The following PPP2R3A variants were observed in gnomAD, a reference collection of about 807,000 sequenced individuals.
PPP2R3A encodes the protein serine/threonine-protein phosphatase 2A regulatory subunit B'' subunit alpha.
PPP2R3A carries 80 observed loss-of-function variants against 106.9 expected under a neutral mutation model. The observed-to-expected ratio is 0.75, with a 90% CI of 0.62 to 0.90. The LOEUF is 0.90. Ranked by LOEUF, PPP2R3A falls within the 40% of genes least tolerant of loss-of-function variation. The pLI is 0.00. For synonymous variants in PPP2R3A, 483 were observed against 468.3 expected (o/e 1.03, Z -0.41); for missense variants, 1,386 against 1,350.4 (o/e 1.03, Z -0.41).
chr3:136,120,771 T>C (rs1456921274), intron 13 of PPP2R3A, among the ~76,000 whole-genome samples: 1 of 151,988 alleles, frequency 6.6e-6, no homozygotes, highest in African/African-American at 2.4e-5. Flanking sequence ...CCATAGGACA[T>C]GAACAGACAC....
chr3:136,036,670 C>G (rs1471907975), intron 3 of PPP2R3A, among the ~76,000 whole-genome samples: 1 of 152,150 alleles, frequency 6.6e-6, no homozygotes, highest in African/African-American at 2.4e-5. Context: ...TGGGTCTTCT[C>G]AGGTTTCCTG....
intron 6 of PPP2R3A, among the ~76,000 whole-genome samples, chr3:136,073,990 T>C (rs934401948): frequency 5.9e-5 from 9 of 152,198 alleles, no homozygotes; most frequent in South Asian, 2.1e-4. Flanking sequence ...AAGAAACATA[T>C]AAAGATCAGC....
intron 1 of PPP2R3A, among the ~76,000 whole-genome samples, chr3:135,982,057 G>C (rs1937546058): frequency 6.6e-6 from 1 of 151,784 alleles, no homozygotes; most frequent in Admixed American, 6.6e-5. Flanking sequence ...GGTGAGAGAA[G>C]ATGATGGTTA....
intron 2 of PPP2R3A, among the ~76,000 whole-genome samples, chr3:136,010,102 T>G (rs560544691): frequency 1.3e-4 from 20 of 152,266 alleles, no homozygotes; most frequent in African/African-American, 4.8e-4. Flanking sequence ...TCAGCTAATC[T>G]TGTTTCCTAT....
chr3:136,121,298 T>A (rs1937986927), intron 13 of PPP2R3A, among the ~76,000 whole-genome samples: 1 of 152,210 alleles, frequency 6.6e-6, no homozygotes, highest in Non-Finnish European at 1.5e-5. Context: ...TGGATGCAGC[T>A]GGAGGCCATT....
At chr3:136,029,610 C>G (rs1934794153) in intron 3 of PPP2R3A, among the ~76,000 whole-genome samples, 1 of 152,164 alleles carries the variant, frequency 6.6e-6, no homozygotes. Flanking sequence ...CAGAAAAAAA[C>G]AGCAGTGTTG....
chr3:136,122,480 A>G (rs1206593940), intron 13 of PPP2R3A, among the ~76,000 whole-genome samples: 1 of 152,208 alleles, frequency 6.6e-6, no homozygotes, highest in Admixed American at 6.5e-5. Context: ...TCCTGCAGTT[A>G]AATATATATG....
rs535589021 is a variant in PPP2R3A at position 136,082,915 on chromosome 3, T to C, written c.2788+494T>C. On this transcript the variant is annotated intron_variant, in intron 8 of 13. Coordinates refer to ENST00000264977, the MANE Select transcript of PPP2R3A (RefSeq NM_002718.5). ...GTCTCTGCAGATGAATTTTGCGTGCTTTCTTTTGTCAGAAAACAAAAAATT... is the reference window on the plus strand; with the variant it reads ...GTCTCTGCAGATGAATTTTGCGTGCCTTCTTTTGTCAGAAAACAAAAAATT... 4.4e-4 allele frequency among the ~76,000 whole-genome samples: 67 copies of C among 152,368 alleles called. 1 individual carries two copies. The South Asian group carries it at 0.013, about 31-fold the overall frequency.
At position 136,145,881 on chromosome 3, in the gene PPP2R3A, A is replaced by T. The variant is rs2108046374; in HGVS notation, c.*715A>T. On this transcript the variant is annotated 3_prime_UTR_variant, in exon 14 of 14. Transcript: ENST00000264977. ...CTTCTTAAATGAAGTATAGAATTTG[A>T]CTCATACTTGGAAAAAGCCCTTTTA... 1 of 152,360 alleles carries T rather than the reference A, an allele frequency of 6.6e-6. No individual in the cohort carries two copies. The highest frequency in any genetic ancestry group is 1.5e-5 in the Non-Finnish European group (1 of 68,008). 9.4% of individuals were successfully genotyped at this position (152,360 alleles called of 1,614,324 possible). A position where few individuals can be genotyped will look rare whatever the true frequency, so the allele number is the denominator to read the frequency against.
At chr3:136,104,298 T>TTGTGTGTGTGTGTGTGTG (rs55839641) in intron 12 of PPP2R3A, among the ~76,000 whole-genome samples, 6 of 148,658 alleles carry the variant, frequency 4.0e-5, no homozygotes, top group African/African-American at 1.5e-4. Context: ...GTTTCTTTCT[T>TTGTGTGTGTGTGTGTGTG]TGTGTGTGTG....
rs1469299857 is a variant in PPP2R3A at position 136,041,263 on chromosome 3, T to G, written c.2366+301T>G. On this transcript the variant is annotated intron_variant, in intron 4 of 13. Coordinates refer to ENST00000264977, the MANE Select transcript of PPP2R3A (RefSeq NM_002718.5). ...GTTTTTTTTTTTGTTTTTTTTTTTG[T>G]TTTTTTTTTTTTGAGACAGAATGTC... Among the ~76,000 whole-genome samples the G allele has an allele frequency of 2.2e-3, 169 of 75,424 alleles. 9 individuals are homozygous for G. Among genetic ancestry groups the G allele is most frequent in the African/African-American group, 5.0e-3 (115 of 23,092 alleles). The allele number at this position is 75,424 out of a possible 152,430, so 49.5% of individuals were successfully genotyped here.
intron 5 of PPP2R3A, among the ~76,000 whole-genome samples, chr3:136,054,120 C>T (rs1373790570): frequency 6.6e-6 from 1 of 152,058 alleles, no homozygotes; most frequent in Non-Finnish European, 1.5e-5. Context: ...TATTTCTTTA[C>T]CCAGTGCTTT....
intron 11 of PPP2R3A, 79 bp from the exon 12 acceptor site, chr3:136,103,179 T>C: frequency 2.5e-6 from 2 of 791,288 alleles, no homozygotes; most frequent in South Asian, 2.0e-5. Context: ...ACCTATACTT[T>C]TAGATGTCAG....
chr3:136,138,477 A>G (rs1488420362), intron 13 of PPP2R3A, among the ~76,000 whole-genome samples: 1 of 152,212 alleles, frequency 6.6e-6, no homozygotes, highest in African/African-American at 2.4e-5. Flanking sequence ...AGCAAGTGGT[A>G]CATATTAGGA....
chr3:136,118,129 C>T (rs1169090336), intron 13 of PPP2R3A, among the ~76,000 whole-genome samples: 4 of 152,276 alleles, frequency 2.6e-5, no homozygotes, highest in South Asian at 4.1e-4. Flanking sequence ...ACAAAAACCG[C>T]ATGGTTATCT....
rs181551122 is a variant in PPP2R3A, at chr3:136,001,051, T to A, written c.-440-8T>A. The A allele has an allele frequency of 2.6e-4, 104 of 397,638 alleles. No homozygotes were observed. The East Asian group carries it at 2.8e-3, about 11-fold the overall frequency. The allele number at this position is 397,638 out of a possible 1,614,324, so 24.6% of individuals were successfully genotyped here. The stretch of plus-strand genomic sequence containing the variant: ...AAAATTTCCTTTTAATTTTTTTTTT[T>A]ATTACAGGTTTCTCTGTCATTCACA... On this transcript the variant is annotated splice_region_variant and splice_polypyrimidine_tract_variant and intron_variant, in intron 1 of 13. Coordinates refer to ENST00000264977, the MANE Select transcript of PPP2R3A (RefSeq NM_002718.5).
At chr3:135,979,304 A>T (rs1484464815) in intron 1 of PPP2R3A, among the ~76,000 whole-genome samples, 2 of 151,698 alleles carry the variant, frequency 1.3e-5, no homozygotes, top group East Asian at 1.9e-4. Flanking sequence ...ACTTGAACTC[A>T]GGAGGCGGAG....
At chr3:136,047,374 A>G (rs2107858523) in intron 4 of PPP2R3A, among the ~76,000 whole-genome samples, 1 of 152,342 alleles carries the variant, frequency 6.6e-6, no homozygotes, top group East Asian at 1.9e-4. Context: ...TCACAATTGC[A>G]AAGACATGGA....
intron 13 of PPP2R3A, among the ~76,000 whole-genome samples, chr3:136,136,067 AAAAAAATTATATATAT>A (rs1317307236): frequency 3.3e-5 from 1 of 30,348 alleles, no homozygotes; most frequent in Non-Finnish European, 9.9e-5. Flanking sequence ...AAAAAAAAAA[AAAAAAATTATATATAT>A]ATATATATAT....
Sources: allele counts gnomAD v4.1 joint callset (sites outside exome capture counted in the v4.1 genomes callset), GRCh38; gene constraint gnomAD v4.1.1; transcripts MANE v1.5; gene names NCBI Gene and HGNC (gene_info 2026-07-23, HGNC 2026-07-21).